The following ITPR1 variants were observed in gnomAD, a reference collection of about 807,000 sequenced individuals.
ITPR1 encodes the protein inositol 1,4,5-trisphosphate-gated calcium channel ITPR1.
A neutral mutation model predicts 318.4 loss-of-function variants in ITPR1; 96 were observed. The ratio of observed to expected loss-of-function variants is 0.30; its 90% CI spans 0.26 to 0.36. The LOEUF is 0.36. Among genes scored for constraint, ITPR1 ranks in the 10% least tolerant of loss-of-function variants. ITPR1 has a pLI of 1.00. For synonymous variants in ITPR1, 1,312 were observed against 1,289.9 expected (o/e 1.02, Z -0.37); for missense variants, 2,440 against 3,460.2 (o/e 0.71, Z 7.40).
chr3:4,574,907 T>A (rs1057496193), intron 4 of ITPR1, among the ~76,000 whole-genome samples: 1 of 152,166 alleles, frequency 6.6e-6, no homozygotes, highest in Admixed American at 6.5e-5. Context: ...TAGCCAGAGG[T>A]CTATCAATTG....
At chr3:4,823,769 T>A (rs1445784996) in intron 60 of ITPR1, among the ~76,000 whole-genome samples, 1 of 152,158 alleles carries the variant, frequency 6.6e-6, no homozygotes, top group Non-Finnish European at 1.5e-5. Context: ...ATGACTATAA[T>A]TAACAAAAAT....
intron 2 of ITPR1, among the ~76,000 whole-genome samples, chr3:4,499,153 T>TA (rs1467992408): frequency 1.3e-5 from 2 of 152,268 alleles, no homozygotes; most frequent in Admixed American, 6.5e-5. Flanking sequence ...CCATCTCTGT[T>TA]AAAAAAATTT....
At position 4,597,117 on chromosome 3, in the gene ITPR1, G is replaced by A. The variant is rs77173258; in HGVS notation, c.164-30646G>A. 8.2e-3 allele frequency among the ~76,000 whole-genome samples: 1,247 copies of A among 152,280 alleles called. 11 individuals are homozygous for A. The highest frequency in any genetic ancestry group is 0.028 in the African/African-American group (1,169 of 41,546). ...GCTGCCATGCAGAAATATGAGCCCC[G>A]TGGTGCCAAATCCTGGTTCATTTGT... On this transcript the variant is annotated intron_variant, in intron 4 of 61. Transcript: ENST00000649015.
In ITPR1 at chr3:4,706,249, G is replaced by T. The variant is rs763324876; in HGVS notation, c.4740G>T (p.Gln1580His). The T allele has an allele frequency of 1.9e-6, 3 of 1,613,958 alleles. No individual in the cohort carries two copies. In the Admixed American group the frequency reaches 5.0e-5, roughly 27 times the overall value. Residue 1580 changes from glutamine to histidine, a missense_variant, in exon 37 of 62, where the codon CAG (glutamine) becomes CAT (histidine). Coordinates refer to ENST00000649015, the MANE Select transcript of ITPR1 (RefSeq NM_001378452.1). The part of the protein sequence containing the change: ...NLFLKSHSIV[Q>H]KTAMNWRLSA... ...TTCTCAAGTCCCACAGCATTGTGCA[G>T]AAAACAGCCATGAACTGGCGGCTCT...
chr3:4,766,425 G>A, intron 44 of ITPR1, 105 bp from the exon 45 acceptor site: 1 of 854,072 alleles, frequency 1.2e-6, no homozygotes, highest in South Asian at 1.6e-5. Context: ...GATCATGCGT[G>A]AGGTTTTGCA....
chr3:4,725,602 T>G, intron 41 of ITPR1, 21 bp downstream of exon 41: 1 of 1,596,228 alleles, frequency 6.3e-7, no homozygotes, highest in Non-Finnish European at 8.5e-7. Context: ...CGCCTATATT[T>G]GTAGCGCCAG....
At chr3:4,497,772 A>C (rs1287143304) in intron 2 of ITPR1, among the ~76,000 whole-genome samples, 8 of 152,252 alleles carry the variant, frequency 5.3e-5, no homozygotes, top group African/African-American at 1.9e-4. Flanking sequence ...TGTCAGTAGA[A>C]GCATTATCAC....
intron 44 of ITPR1, among the ~76,000 whole-genome samples, chr3:4,760,747 GGTTTA>G (rs2045379174): frequency 6.6e-6 from 1 of 152,130 alleles, no homozygotes; most frequent in Non-Finnish European, 1.5e-5. Flanking sequence ...TCCATCTTCA[GGTTTA>G]GCAATGGTGA....
At chr3:4,801,244 G>A (rs2048210880) in intron 54 of ITPR1, among the ~76,000 whole-genome samples, 1 of 152,192 alleles carries the variant, frequency 6.6e-6, no homozygotes, top group Non-Finnish European at 1.5e-5. Flanking sequence ...TGAGGCACTG[G>A]AGGATCTAAA....
chr3:4,632,573 A>G (rs2093046965), intron 5 of ITPR1, among the ~76,000 whole-genome samples: 1 of 152,126 alleles, frequency 6.6e-6, no homozygotes, highest in Admixed American at 6.5e-5. Context: ...TTAGTGTAGT[A>G]TCTCAATTTT....
chr3:4,730,549 C>G (rs1013055705), intron 42 of ITPR1, among the ~76,000 whole-genome samples: 27 of 151,854 alleles, frequency 1.8e-4, no homozygotes, highest in Non-Finnish European at 2.9e-5. Flanking sequence ...ATGTGAGATC[C>G]CTTTGTAACT....
intron 5 of ITPR1, among the ~76,000 whole-genome samples, chr3:4,630,561 CATT>C (rs71053435): frequency 0.55 from 76,001 of 138,412 alleles, 21,665 homozygotes; most frequent in East Asian, 0.75. Context: ...AAATTGTCCG[CATT>C]ATTATTATTA....
chr3:4,746,286 C>G (rs1385816968), intron 44 of ITPR1, among the ~76,000 whole-genome samples: 2 of 152,212 alleles, frequency 1.3e-5, no homozygotes, highest in Non-Finnish European at 2.9e-5. Flanking sequence ...GAACAGCCTT[C>G]TGTGGAGTAT....
At chr3:4,516,647 C>T in intron 3 of ITPR1, 64 bp downstream of exon 3, 1 of 1,002,758 alleles carries the variant, frequency 1.0e-6, no homozygotes, top group Non-Finnish European at 1.5e-6. Flanking sequence ...CAGCTTAAAA[C>T]TGTGATTTTT....
intron 13 of ITPR1, among the ~76,000 whole-genome samples, chr3:4,658,925 T>A (rs973847945): frequency 2.6e-5 from 4 of 152,162 alleles, no homozygotes. Context: ...GTACTCTACT[T>A]GTGTTATATA....
At chr3:4,732,165 C>T (rs1266788650) in intron 42 of ITPR1, among the ~76,000 whole-genome samples, 1 of 152,014 alleles carries the variant, frequency 6.6e-6, no homozygotes, top group Non-Finnish European at 1.5e-5. Flanking sequence ...CGCATGCTGC[C>T]TCTGGTTACT....
chr3:4,577,627 A>G (rs556499833), intron 4 of ITPR1, among the ~76,000 whole-genome samples: 1 of 152,352 alleles, frequency 6.6e-6, no homozygotes, highest in South Asian at 2.1e-4. Context: ...AACGAGGTGC[A>G]TTATAACTAC....
At chr3:4,591,696 T>C (rs1202525336) in intron 4 of ITPR1, among the ~76,000 whole-genome samples, 1 of 152,240 alleles carries the variant, frequency 6.6e-6, no homozygotes, top group Non-Finnish European at 1.5e-5. Context: ...AGACTTTTCA[T>C]TTACCCTGAT....
chr3:4,841,016 T>C (rs3805036), intron 61 of ITPR1, among the ~76,000 whole-genome samples: 73,646 of 152,054 alleles, frequency 0.48, 18,462 homozygotes, highest in East Asian at 0.58. Flanking sequence ...GTTATCTTGC[T>C]AACATTAACT....
Sources: allele counts gnomAD v4.1 joint callset (sites outside exome capture counted in the v4.1 genomes callset), GRCh38; gene constraint gnomAD v4.1.1; transcripts MANE v1.5; gene names NCBI Gene and HGNC (gene_info 2026-07-23, HGNC 2026-07-21).